Variants in DIP2A observed in about 807,000 individuals in gnomAD.
DIP2A encodes disco-interacting protein 2 homolog A.
In DIP2A, 85 loss-of-function variants were observed where a neutral mutation model predicts 177.4. The ratio of observed to expected loss-of-function variants is 0.48; its 90% CI spans 0.40 to 0.57. DIP2A has a LOEUF of 0.57. Among genes scored for constraint, DIP2A ranks in the 20% least tolerant of loss-of-function variants. The pLI, the probability that DIP2A is intolerant of heterozygous loss-of-function variation, is 0.00. For missense variants in DIP2A, 1,791 were observed against 2,100.2 expected, an observed-to-expected ratio of 0.85 and a Z score of 2.88; for synonymous variants, 886 against 881.8, an observed-to-expected ratio of 1.00 and a Z score of -0.08.
At chr21:46,461,506 C>G (rs1407316149) in intron 1 of DIP2A, among the ~76,000 whole-genome samples, 1 of 152,072 alleles carries the variant, frequency 6.6e-6, no homozygotes, top group Non-Finnish European at 1.5e-5. Context: ...ATTCATTATT[C>G]CCTCAATTTT....
intron 8 of DIP2A, among the ~76,000 whole-genome samples, chr21:46,523,393 ATT>A (rs61370008): frequency 0.058 from 5,236 of 89,750 alleles, 39 homozygotes; most frequent in Middle Eastern, 0.076. Flanking sequence ...CGCCTGGCTA[ATT>A]TTTTTTTTTT....
At chr21:46,467,339 A>G (rs2054929194) in intron 1 of DIP2A, among the ~76,000 whole-genome samples, 1 of 152,122 alleles carries the variant, frequency 6.6e-6, no homozygotes, top group African/African-American at 2.4e-5. Flanking sequence ...ATATTTAAAA[A>G]ATTTCACAGT....
intron 1 of DIP2A, among the ~76,000 whole-genome samples, chr21:46,467,421 G>C (rs1308043260): frequency 6.6e-6 from 1 of 152,124 alleles, no homozygotes; most frequent in African/African-American, 2.4e-5. Context: ...AGTTGGGAGT[G>C]CAGTGGTGTG....
chr21:46,481,323 G>GT lies in DIP2A; in HGVS notation c.92-3430dup, dbSNP rs536404515. Among the ~76,000 whole-genome samples, 6 of 152,308 alleles carry GT rather than the reference G, an allele frequency of 3.9e-5. No homozygotes were observed. The South Asian group carries it at 1.2e-3, about 32-fold the overall frequency. ...GTCTGTTCCTCTTTATTGCTGAGTAGTTTTCCATAGTATGGTTACGTCACA... is the reference window on the plus strand; with the variant it reads ...GTCTGTTCCTCTTTATTGCTGAGTAGTTTTTCCATAGTATGGTTACGTCACA... On this transcript the variant is annotated intron_variant, in intron 1 of 37. Coordinates refer to ENST00000417564, the MANE Select transcript of DIP2A (RefSeq NM_015151.4).
Position 46,550,570 on chromosome 21 carries a change from G to T in DIP2A, c.2665G>T (p.Val889Leu). The T allele has an allele frequency of 6.2e-7, 1 of 1,613,484 alleles. No individual in the cohort carries two copies. The highest frequency in any genetic ancestry group is 8.5e-7 in the Non-Finnish European group (1 of 1,179,722). Residue 889 changes from valine (V) to leucine (L), a missense_variant, in exon 23 of 38, where the codon GTG becomes TTG. Physicochemically the swap from Val to Leu is conservative, Grantham distance 32. Transcript: ENST00000417564. The part of the protein sequence containing the change: ...QAIDSIHQVG[V>L]YCLALVPANT... ...CATTGATAGCATCCACCAGGTGGGC[G>T]TGTACTGTCTGGCCCTGGTTCCTGC...
intron 21 of DIP2A, among the ~76,000 whole-genome samples, chr21:46,548,210 T>G (rs1057125918): frequency 1.2e-4 from 16 of 130,014 alleles, no homozygotes; most frequent in African/African-American, 2.1e-4. Flanking sequence ...GTGTGTGTGT[T>G]TGTGTGCGCC....
intron 1 of DIP2A, among the ~76,000 whole-genome samples, chr21:46,465,136 G>T (rs1345503981): frequency 1.3e-5 from 2 of 152,112 alleles, no homozygotes; most frequent in African/African-American, 4.8e-5. Flanking sequence ...CATCTCTAAT[G>T]TGACTGCTTT....
intron 37 of DIP2A, 96 bp from the exon 38 acceptor site, chr21:46,567,274 G>T: frequency 6.6e-7 from 1 of 1,510,830 alleles, no homozygotes; most frequent in Non-Finnish European, 8.9e-7. Context: ...ACATTGGTGG[G>T]CTTCACTCTT....
intron 8 of DIP2A, among the ~76,000 whole-genome samples, chr21:46,521,511 T>C (rs1322741485): frequency 6.6e-6 from 1 of 152,172 alleles, no homozygotes; most frequent in Non-Finnish European, 1.5e-5. Context: ...TTTTTTAATA[T>C]AAAAATCCTG....
chr21:46,467,132 T>G (rs1331954904), intron 1 of DIP2A, among the ~76,000 whole-genome samples: 7 of 151,522 alleles, frequency 4.6e-5, no homozygotes, highest in African/African-American at 1.7e-4. Flanking sequence ...CTGTCTCTAC[T>G]AAAAATACAA....
chr21:46,550,384 T>C lies in DIP2A; in HGVS notation c.2638-159T>C, dbSNP rs1378797377. ...TTAAATGGTAGAAAACTGCACACAC[T>C]TCTCTTCATCTTGTTTCCTCATTTA... On this transcript the variant is annotated intron_variant, in intron 22 of 37. Coordinates refer to ENST00000417564, the MANE Select transcript of DIP2A (RefSeq NM_015151.4). Among the ~76,000 whole-genome samples, 4 of 152,204 alleles carry C rather than the reference T, an allele frequency of 2.6e-5. No homozygotes were observed. In the East Asian group the frequency reaches 7.7e-4, roughly 29 times the overall value.
At chr21:46,513,950 T>C (rs1305275442) in intron 8 of DIP2A, among the ~76,000 whole-genome samples, 1 of 152,210 alleles carries the variant, frequency 6.6e-6, no homozygotes, top group Non-Finnish European at 1.5e-5. Flanking sequence ...CAGTTTATGA[T>C]TGTGGAATAT....
At position 46,498,113 on chromosome 21, in the gene DIP2A, T is replaced by C. The variant is rs924186487; in HGVS notation, c.404-469T>C. 1.3e-5 allele frequency among the ~76,000 whole-genome samples: 2 copies of C among 152,190 alleles called. No individual in the cohort carries two copies. Among genetic ancestry groups the C allele is most frequent in the African/African-American group, 4.8e-5 (2 of 41,456 alleles). ...TGCGGTTCTCCCATGGCCACCATGT[T>C]GTTGCTGGGGCCATGCACAGGCCAG... On this transcript the variant is annotated intron_variant, in intron 4 of 37. Coordinates refer to ENST00000417564, the MANE Select transcript of DIP2A (RefSeq NM_015151.4). The surrounding 1 kb of genome is among the most constrained non-coding windows in gnomAD (Gnocchi z 4.3).
intron 1 of DIP2A, among the ~76,000 whole-genome samples, chr21:46,471,580 TAAA>T (rs2055386131): frequency 6.6e-6 from 1 of 152,218 alleles, no homozygotes; most frequent in Non-Finnish European, 1.5e-5. Context: ...ACTGGTCTAT[TAAA>T]AAGACTAGGA....
rs144952936 is a variant in DIP2A, at chr21:46,462,013, A to G, written c.91+2791A>G. Among the ~76,000 whole-genome samples the G allele has an allele frequency of 2.5e-4, 38 of 152,228 alleles. 1 individual carries two copies. The East Asian group carries it at 6.9e-3, about 28-fold the overall frequency. On this transcript the variant is annotated intron_variant, in intron 1 of 37. Coordinates refer to ENST00000417564, the MANE Select transcript of DIP2A (RefSeq NM_015151.4). ...TTGTGAGCCTTTATAGTGTCACTGC[A>G]TTCCAGCCTGGGAGACAGAGTGGGA...
chr21:46,581,163 A>T, the DIP2A span, among the ~76,000 whole-genome samples: 1 of 151,874 alleles, frequency 6.6e-6, no homozygotes, highest in Non-Finnish European at 1.5e-5. Flanking sequence ...TTTTTCTTTA[A>T]TCTTGTCTGC....
chr21:46,494,518 T>C (rs2057196015), intron 3 of DIP2A, among the ~76,000 whole-genome samples: 1 of 152,238 alleles, frequency 6.6e-6, no homozygotes, highest in Non-Finnish European at 1.5e-5. Flanking sequence ...TGGTGAAATT[T>C]AGATTCTGAC....
chr21:46,561,450 G>C (rs2060659693), intron 33 of DIP2A: 1 of 445,176 alleles, frequency 2.2e-6, no homozygotes, highest in Non-Finnish European at 4.2e-6. Flanking sequence ...TAAACACTAG[G>C]TTTAGCTTAC....
chr21:46,472,813 G>A (rs1206481600), intron 1 of DIP2A, among the ~76,000 whole-genome samples: 1 of 152,166 alleles, frequency 6.6e-6, no homozygotes, highest in East Asian at 1.9e-4. Context: ...GGGTGTTGTG[G>A]ATGTGTGAGG....
Sources: allele counts gnomAD v4.1 joint callset (sites outside exome capture counted in the v4.1 genomes callset), GRCh38; gene constraint gnomAD v4.1.1; non-coding constraint Gnocchi (gnomAD v3.1); transcripts MANE v1.5; gene names NCBI Gene and HGNC (gene_info 2026-07-23, HGNC 2026-07-21).